POLA1: variants seen among roughly 807,000 people sequenced by gnomAD.
POLA1 encodes DNA polymerase alpha catalytic subunit.
POLA1 carries 15 observed loss-of-function variants against 124.0 expected under a neutral mutation model. That is an observed-to-expected ratio of 0.12 (90% CI 0.08 to 0.19). POLA1 has a LOEUF of 0.19. Ranked by LOEUF, POLA1 falls within the 10% of genes least tolerant of loss-of-function variation. The probability of loss-of-function intolerance (pLI) is 1.00; values close to 1 mark genes in which losing one functional copy is unlikely to be tolerated. For synonymous variants in POLA1, 408 were observed against 389.4 expected (o/e 1.05, Z -0.56); for missense variants, 886 against 1,103.4 (o/e 0.80, Z 2.79).
intron 26 of POLA1, among the ~76,000 whole-genome samples, chrX:24,799,142 C>T (rs1023327828): frequency 1.8e-5 from 2 of 112,386 alleles, no homozygotes; most frequent in East Asian, 2.8e-4. Flanking sequence ...CCTCGTCTCA[C>T]TTCATTTGAA....
At chrX:24,990,628 T>C (rs2048524345) in intron 36 of POLA1, among the ~76,000 whole-genome samples, 1 of 112,864 alleles carries the variant, frequency 8.9e-6, no homozygotes, top group African/African-American at 3.2e-5. Context: ...TGGAATGAAT[T>C]ATCTCCATTA....
At chrX:24,966,492 A>G (rs2048224872) in intron 36 of POLA1, among the ~76,000 whole-genome samples, 1 of 110,171 alleles carries the variant, frequency 9.1e-6, no homozygotes. Flanking sequence ...TTATTTTAAG[A>G]TTAACATGAA....
At chrX:24,953,562 A>G (rs2048072055) in intron 36 of POLA1, among the ~76,000 whole-genome samples, 1 of 112,153 alleles carries the variant, frequency 8.9e-6, no homozygotes, top group African/African-American at 3.2e-5. Context: ...ACCAGAGGAA[A>G]AAGTCTGAAG....
chrX:24,788,764 G>A (rs920386246), intron 26 of POLA1: 34 of 1,200,551 alleles, frequency 2.8e-5, no homozygotes, highest in Non-Finnish European at 3.7e-5. Context: ...ATCCAAAGAG[G>A]TCAATGTCAT....
intron 36 of POLA1, among the ~76,000 whole-genome samples, chrX:24,973,535 G>C (rs2048329218): frequency 9.0e-6 from 1 of 111,696 alleles, no homozygotes; most frequent in Non-Finnish European, 1.9e-5. Context: ...TCCTATCTTG[G>C]CCTTTGTCAT....
intron 32 of POLA1, among the ~76,000 whole-genome samples, chrX:24,834,432 C>T (rs1302255942): frequency 2.7e-5 from 3 of 111,972 alleles, no homozygotes; most frequent in Non-Finnish European, 5.6e-5. Context: ...TTGTCTGACA[C>T]TTATACAGTA....
intron 32 of POLA1, among the ~76,000 whole-genome samples, chrX:24,832,331 G>A (rs958449123): frequency 6.3e-5 from 7 of 111,621 alleles, no homozygotes; most frequent in African/African-American, 2.3e-4. Flanking sequence ...AAGGGTTTCA[G>A]TTGAACGGTC....
intron 26 of POLA1, among the ~76,000 whole-genome samples, chrX:24,754,326 C>A (rs1298376459): frequency 2.8e-5 from 3 of 108,679 alleles, no homozygotes; most frequent in African/African-American, 6.7e-5. Flanking sequence ...GGCGTGATCT[C>A]GGCTCACCAC....
At chrX:24,937,523 C>T (rs1481793660) in intron 36 of POLA1, among the ~76,000 whole-genome samples, 1 of 111,590 alleles carries the variant, frequency 9.0e-6, no homozygotes, top group African/African-American at 3.3e-5. Flanking sequence ...GAAGTAATTA[C>T]CCAAATAATT....
At chrX:24,794,019 G>A (rs1351748258) in intron 26 of POLA1, among the ~76,000 whole-genome samples, 1 of 108,638 alleles carries the variant, frequency 9.2e-6, no homozygotes. Flanking sequence ...TATTGCCCAG[G>A]CGGCTGGAGT....
intron 23 of POLA1, chrX:24,744,637 T>G (rs1484662575): frequency 3.1e-6 from 1 of 322,425 alleles, no homozygotes; most frequent in Non-Finnish European, 5.7e-6. Flanking sequence ...GTCCATTTTA[T>G]TTTTTGAAGC....
chrX:24,743,882 T>A lies in POLA1; in HGVS notation c.2566+553T>A, dbSNP rs373779158. Among the ~76,000 whole-genome samples, 14 of 110,285 alleles carry A rather than the reference T, an allele frequency of 1.3e-4. 1 individual carries two copies. In the East Asian group the frequency reaches 3.7e-3, roughly 29 times the overall value. Reference sequence around the variant, plus strand: ...GTGGTACACAGAGCTAGAAATAATTTTTTTTTCTTTTTTTCTTTTTTTTTT... The same window carrying A: ...GTGGTACACAGAGCTAGAAATAATTATTTTTTCTTTTTTTCTTTTTTTTTT... On this transcript the variant is annotated intron_variant, in intron 23 of 36. Transcript: ENST00000379068.
At position 24,726,943 on chromosome X, in the gene POLA1, C is replaced by A; in HGVS notation, c.1403C>A (p.Pro468Gln). The A allele has an allele frequency of 8.4e-7, 1 of 1,184,471 alleles. No individual in the cohort carries two copies. The highest frequency in any genetic ancestry group is 1.1e-6 in the Non-Finnish European group (1 of 882,642). Residue 468 changes from proline (P) to glutamine (Q), a missense_variant, in exon 14 of 37, where the codon CCA becomes CAA. Coordinates refer to ENST00000379068, the MANE Select transcript of POLA1 (RefSeq NM_001330360.2). ...YLEVKYSAEM[P>Q]QLPQDLKGET... is the part of the protein sequence containing the mutation. ...TTTTTCCTTTTTCAGGCTGAAATGC[C>A]ACAGCTTCCTCAAGATTTGAAAGGA...
At chrX:24,744,217 ATTAG>A (rs1474313801) in intron 23 of POLA1, among the ~76,000 whole-genome samples, 5 of 112,670 alleles carry the variant, frequency 4.4e-5, no homozygotes, top group South Asian at 3.6e-4. Flanking sequence ...TGATTTTGTT[ATTAG>A]TTATAATGAA....
Position 24,693,991 on chromosome X carries a change from G to C in POLA1, c.30G>C (p.Glu10Asp), listed in dbSNP as rs1329985855. The change falls in exon 1 of 37, where the codon GAG (glutamate) becomes GAC (aspartate). Residue 10 changes from glutamate to aspartate, a missense_variant. Transcript: ENST00000379068. ...CACCTGTGCACGGCGACGACTGTGA[G>C]ATAGGGGCGAGTGGTGAGGGACAAT... MAPVHGDDC[E>D]IGASALSDSG... 8.4e-7 allele frequency: 1 copy of C among 1,190,509 alleles called. No homozygotes were observed. Among genetic ancestry groups the C allele is most frequent in the East Asian group, 3.1e-5 (1 of 32,375 alleles).
intron 35 of POLA1, 102 bp from the exon 36 acceptor site, chrX:24,930,351 T>G (rs2047756744): frequency 3.6e-6 from 2 of 555,743 alleles, no homozygotes; most frequent in Admixed American, 6.3e-5. Flanking sequence ...AAATGCTGCT[T>G]GATTTGGAAG....
intron 32 of POLA1, among the ~76,000 whole-genome samples, chrX:24,827,939 G>A (rs774743225): frequency 1.8e-5 from 2 of 112,035 alleles, no homozygotes; most frequent in Non-Finnish European, 3.8e-5. Context: ...GAATTATCAA[G>A]TCACATATTT....
chrX:24,741,873 T>A (rs66464261), intron 21 of POLA1, 129 bp from the exon 22 acceptor site: 9,183 of 395,032 alleles, frequency 0.023, 557 homozygotes, highest in African/African-American at 0.19. Flanking sequence ...TTTTTTTTTT[T>A]AAAAAAAAAG....
intron 36 of POLA1, among the ~76,000 whole-genome samples, chrX:24,981,157 G>A (rs1460815796): frequency 1.8e-5 from 2 of 112,354 alleles, no homozygotes; most frequent in Non-Finnish European, 3.8e-5. Flanking sequence ...CAAACCAACA[G>A]GATGATATTG....
Sources: gnomAD v4.1 joint callset for allele counts (sites outside exome capture counted in the v4.1 genomes callset) on GRCh38, gnomAD v4.1.1 for gene constraint, MANE v1.5 for transcripts, NCBI Gene and HGNC (gene_info 2026-07-23, HGNC 2026-07-21) for gene names.